TRHDE: variants seen among roughly 807,000 people sequenced by gnomAD.
TRHDE encodes the protein thyrotropin releasing hormone degrading enzyme.
In TRHDE, 72 loss-of-function variants were observed where a neutral mutation model predicts 125.7. The observed-to-expected ratio is 0.57, with a 90% CI of 0.47 to 0.70. The LOEUF is 0.70. Among genes scored for constraint, TRHDE ranks in the 30% least tolerant of loss-of-function variants. TRHDE has a pLI of 0.00. For missense variants in TRHDE, 1,110 were observed against 1,327.1 expected (o/e 0.84, Z 2.54); for synonymous variants, 509 against 509.1 (o/e 1.00, Z 0.00).
intron 2 of TRHDE, among the ~76,000 whole-genome samples, chr12:72,191,540 G>A (rs932460937): frequency 6.6e-6 from 1 of 152,040 alleles, no homozygotes; most frequent in Non-Finnish European, 1.5e-5. Context: ...CTAAAATTCT[G>A]CAGACAACTG....
intron 2 of TRHDE, among the ~76,000 whole-genome samples, chr12:72,243,985 A>G (rs560803840): frequency 6.6e-6 from 1 of 152,288 alleles, no homozygotes; most frequent in East Asian, 1.9e-4. Flanking sequence ...TAGGGTATGT[A>G]TAACATATAG....
chr12:72,272,254 G>A (rs1290424841), upstream of TRHDE: 1 of 372,406 alleles, frequency 2.7e-6, no homozygotes, highest in Non-Finnish European at 5.3e-6. This position sits in a 1 kb window ranked among gnomAD's most constrained non-coding sequence, Gnocchi z 6.7. Flanking sequence ...GCCGAGAACC[G>A]GTTGGAAGGC....
At chr12:72,306,884 G>A (rs1868349657) in intron 2 of TRHDE, 1 of 152,190 alleles carries the variant, frequency 6.6e-6, no homozygotes, top group Non-Finnish European at 1.5e-5. Context: ...AGTGTTTGAG[G>A]AGAGACTGAA....
At chr12:72,492,938 T>C (rs1877747811) in intron 5 of TRHDE, among the ~76,000 whole-genome samples, 1 of 151,928 alleles carries the variant, frequency 6.6e-6, no homozygotes, top group Non-Finnish European at 1.5e-5. Flanking sequence ...TTTATACTAT[T>C]AATAATACTG....
At chr12:72,253,177 A>G (rs1297980462) in intron 2 of TRHDE, among the ~76,000 whole-genome samples, 1 of 152,122 alleles carries the variant, frequency 6.6e-6, no homozygotes, top group Admixed American at 6.6e-5. Flanking sequence ...CTTACTGTAT[A>G]TAGAAATGAC....
intron 3 of TRHDE, among the ~76,000 whole-genome samples, chr12:72,454,261 A>G (rs1473990491): frequency 1.3e-5 from 2 of 152,190 alleles, no homozygotes; most frequent in Non-Finnish European, 2.9e-5. Context: ...ATGGAGTATA[A>G]TGGTTGAGGG....
At position 72,320,303 on chromosome 12, in the gene TRHDE, T is replaced by C. The variant is rs117243374; in HGVS notation, c.1188+33349T>C. Among the ~76,000 whole-genome samples the C allele has an allele frequency of 1.6e-3, 241 of 151,192 alleles. 1 individual carries two copies. The highest frequency in any genetic ancestry group is 2.6e-3 in the Non-Finnish European group (176 of 67,664). On this transcript the variant is annotated intron_variant, in intron 2 of 18. Transcript: ENST00000261180. ...TACCTTATATAAAATGGAACAGTAT[T>C]TGCATACAATCTACACCTACTTTCT...
chr12:72,489,029 A>G (rs1163684171), intron 5 of TRHDE, among the ~76,000 whole-genome samples: 1 of 151,818 alleles, frequency 6.6e-6, no homozygotes, highest in African/African-American at 2.4e-5. Context: ...ATAGTAATAA[A>G]TGCCTACATT....
At chr12:72,163,906 G>A (rs1258351363) in intron 2 of TRHDE, among the ~76,000 whole-genome samples, 2 of 152,208 alleles carry the variant, frequency 1.3e-5, no homozygotes, top group Admixed American at 6.5e-5. Context: ...GAGGTCAGGA[G>A]TTTGAGACCA....
intron 12 of TRHDE, among the ~76,000 whole-genome samples, chr12:72,576,910 G>T (rs1299235962): frequency 6.6e-6 from 1 of 152,248 alleles, no homozygotes; most frequent in Middle Eastern, 3.4e-3. Context: ...TTCAGTTCTA[G>T]TAAAGATAAA....
chr12:72,630,718 GAAT>G (rs1268009110), intron 15 of TRHDE, among the ~76,000 whole-genome samples: 1 of 151,170 alleles, frequency 6.6e-6, no homozygotes. Flanking sequence ...AGAAAAGGAG[GAAT>G]AAAAATACTG....
intron 12 of TRHDE, among the ~76,000 whole-genome samples, chr12:72,578,217 A>G (rs1871086940): frequency 6.6e-6 from 1 of 152,108 alleles, no homozygotes; most frequent in South Asian, 2.1e-4. Context: ...TTCTCAATGA[A>G]CCAGTGGAGT....
intron 2 of TRHDE, among the ~76,000 whole-genome samples, chr12:72,181,225 G>A (rs1482224210): frequency 6.6e-6 from 1 of 152,110 alleles, no homozygotes; most frequent in African/African-American, 2.4e-5. Flanking sequence ...AAGGGGTGAA[G>A]GAAAGAAATG....
At chr12:72,125,227 G>A (rs765119241) in intron 2 of TRHDE, among the ~76,000 whole-genome samples, 6 of 152,032 alleles carry the variant, frequency 3.9e-5, no homozygotes, top group South Asian at 2.1e-4. Context: ...CTCTGGAATC[G>A]TTTTGTATAG....
intron 2 of TRHDE, among the ~76,000 whole-genome samples, chr12:72,312,531 C>G (rs1463385329): frequency 6.6e-6 from 1 of 152,106 alleles, no homozygotes; most frequent in Non-Finnish European, 1.5e-5. Flanking sequence ...AATAATGCAA[C>G]AAATGATACT....
At chr12:72,333,565 G>T (rs114891557) in intron 2 of TRHDE, among the ~76,000 whole-genome samples, 158 of 152,282 alleles carry the variant, frequency 1.0e-3, no homozygotes, top group African/African-American at 3.5e-3. Flanking sequence ...ATAGACATGG[G>T]CGATAGGAAC....
intron 7 of TRHDE, chr12:72,560,435 C>T (rs1371247613): frequency 6.6e-6 from 1 of 152,150 alleles, no homozygotes; most frequent in Non-Finnish European, 1.5e-5. Context: ...TCCTTTATTT[C>T]CACTTTGCTG....
chr12:72,519,280 A>G (rs1879050385), intron 6 of TRHDE, among the ~76,000 whole-genome samples: 1 of 152,156 alleles, frequency 6.6e-6, no homozygotes, highest in Non-Finnish European at 1.5e-5. Context: ...CTTTCAGGTC[A>G]CCAATCAGAT....
intron 2 of TRHDE, among the ~76,000 whole-genome samples, chr12:72,203,442 T>A (rs1877602556): frequency 6.6e-6 from 1 of 151,948 alleles, no homozygotes; most frequent in East Asian, 1.9e-4. Context: ...CACTCCAGCC[T>A]GGGCGACAGA....
Sources: gnomAD v4.1 joint callset for allele counts (sites outside exome capture counted in the v4.1 genomes callset) on GRCh38, gnomAD v4.1.1 for gene constraint, Gnocchi (gnomAD v3.1) non-coding constraint, MANE v1.5 for transcripts, NCBI Gene and HGNC (gene_info 2026-07-23, HGNC 2026-07-21) for gene names.